RAB38: variants seen among roughly 807,000 people sequenced by gnomAD.
The protein encoded by RAB38 is ras-related protein Rab-38.
Under a neutral mutation model 18.4 loss-of-function variants are expected in RAB38, and 15 were observed. That is an observed-to-expected ratio of 0.82 (90% CI 0.55 to 1.26). RAB38 has a LOEUF of 1.26. Ranked by LOEUF, RAB38 falls within the 50% of genes most tolerant of loss-of-function variation. The probability of loss-of-function intolerance (pLI) is 0.00; values close to 1 mark genes in which losing one functional copy is unlikely to be tolerated. For missense variants in RAB38, 294 were observed against 267.4 expected, an observed-to-expected ratio of 1.10 and a Z score of -0.69; for synonymous variants, 101 against 104.4, an observed-to-expected ratio of 0.97 and a Z score of 0.20.
At chr11:88,134,378 C>G (rs1320028210) in intron 2 of RAB38, among the ~76,000 whole-genome samples, 3 of 151,910 alleles carry the variant, frequency 2.0e-5, no homozygotes, top group Admixed American at 2.0e-4. Context: ...GTAGCGGGGA[C>G]TACCGGTGTC....
the RAB38 span, among the ~76,000 whole-genome samples, chr11:87,856,805 A>G: frequency 1.3e-5 from 2 of 152,044 alleles, no homozygotes; most frequent in African/African-American, 4.8e-5. Flanking sequence ...ATGTCATGAA[A>G]CCTAGATCAT....
At chr11:87,920,199 ATTC>A in the RAB38 span, among the ~76,000 whole-genome samples, 1,680 of 151,536 alleles carry the variant, frequency 0.011, 33 homozygotes, top group African/African-American at 0.037. Context: ...AGCTCAGTTT[ATTC>A]TTCTTTTTCT....
intron 1 of RAB38, among the ~76,000 whole-genome samples, chr11:88,162,511 G>A: frequency 6.6e-6 from 1 of 151,948 alleles, no homozygotes; most frequent in African/African-American, 2.4e-5. Context: ...TGTCATGTCT[G>A]GTCTGTTGCA....
chr11:87,897,858 G>T, the RAB38 span, among the ~76,000 whole-genome samples: 1 of 151,498 alleles, frequency 6.6e-6, no homozygotes, highest in African/African-American at 2.4e-5. Context: ...CAGAACACTC[G>T]AATTGAGCTA....
At chr11:87,840,534 A>T in the RAB38 span, among the ~76,000 whole-genome samples, 1 of 152,198 alleles carries the variant, frequency 6.6e-6, no homozygotes, top group Non-Finnish European at 1.5e-5. Context: ...ATAGCTCAGC[A>T]TCCTAGTAGG....
the RAB38 span, among the ~76,000 whole-genome samples, chr11:88,051,097 A>T: frequency 1.3e-5 from 2 of 152,138 alleles, no homozygotes; most frequent in East Asian, 3.9e-4. Flanking sequence ...ATCGCATTAA[A>T]ATTTTACTTA....
At chr11:88,138,126 C>T (rs1384643593) in intron 2 of RAB38, among the ~76,000 whole-genome samples, 6 of 152,056 alleles carry the variant, frequency 3.9e-5, no homozygotes, top group African/African-American at 1.4e-4. Flanking sequence ...AGCACAGTCC[C>T]AGGATTACAG....
chr11:87,833,169 T>C, the RAB38 span, among the ~76,000 whole-genome samples: 6 of 152,198 alleles, frequency 3.9e-5, no homozygotes, highest in African/African-American at 1.2e-4. Flanking sequence ...ACAACTTCCA[T>C]TGTTCTGACA....
chr11:88,170,134 G>A (rs548191754), intron 1 of RAB38, among the ~76,000 whole-genome samples: 13 of 152,218 alleles, frequency 8.5e-5, no homozygotes, highest in South Asian at 6.2e-4. Context: ...GCCTTGAGGC[G>A]TTTTCTCCAT....
At chr11:88,142,486 G>C (rs1942928199) in intron 2 of RAB38, among the ~76,000 whole-genome samples, 1 of 152,194 alleles carries the variant, frequency 6.6e-6, no homozygotes, top group Non-Finnish European at 1.5e-5. Flanking sequence ...CCAGCCCATG[G>C]TGTCATGAAT....
chr11:88,031,632 G>T, the RAB38 span, among the ~76,000 whole-genome samples: 135 of 151,792 alleles, frequency 8.9e-4, no homozygotes, highest in Admixed American at 1.3e-3. Context: ...ATTCACAATT[G>T]CTTCAAAGAG....
the RAB38 span, among the ~76,000 whole-genome samples, chr11:87,911,508 ATTTTATATT>A: frequency 0.032 from 4,883 of 152,002 alleles, 100 homozygotes; most frequent in Middle Eastern, 0.055. Flanking sequence ...ATTTATACAT[ATTTTATATT>A]TTTGATGGTT....
At chr11:88,020,833 T>C in the RAB38 span, among the ~76,000 whole-genome samples, 2 of 152,160 alleles carry the variant, frequency 1.3e-5, no homozygotes, top group South Asian at 2.1e-4. Context: ...TTAAACAATA[T>C]GCTCCCAAAC....
chr11:88,173,104 C>T (rs1300823141), intron 1 of RAB38, among the ~76,000 whole-genome samples: 1 of 152,192 alleles, frequency 6.6e-6, no homozygotes, highest in Non-Finnish European at 1.5e-5. Flanking sequence ...AGTTAAATTG[C>T]TCCTGAGAGT....
chr11:87,929,957 T>G, the RAB38 span, among the ~76,000 whole-genome samples: 1 of 152,158 alleles, frequency 6.6e-6, no homozygotes, highest in African/African-American at 2.4e-5. Flanking sequence ...CTTAATCCAG[T>G]CTATCATTGT....
At chr11:87,808,358 A>G in the RAB38 span, among the ~76,000 whole-genome samples, 41 of 152,340 alleles carry the variant, frequency 2.7e-4, no homozygotes, top group East Asian at 1.9e-3. Context: ...TATATATACA[A>G]TGAAATACTA....
the RAB38 span, among the ~76,000 whole-genome samples, chr11:87,857,051 C>T: frequency 1.3e-5 from 2 of 148,996 alleles, no homozygotes; most frequent in Non-Finnish European, 3.0e-5. Context: ...GTGTAATGTT[C>T]CCCTTCCCGT....
At chr11:87,823,549 T>C in the RAB38 span, among the ~76,000 whole-genome samples, 1 of 152,186 alleles carries the variant, frequency 6.6e-6, no homozygotes. Context: ...TGTGGCATTA[T>C]CTAACATAAG....
chr11:88,163,690 AGATG>A (rs1414012338), intron 1 of RAB38, among the ~76,000 whole-genome samples: 2 of 152,204 alleles, frequency 1.3e-5, no homozygotes, highest in Non-Finnish European at 2.9e-5. Context: ...ATAGAACAAA[AGATG>A]GATGGATTAT....
Sources: allele counts gnomAD v4.1 joint callset (sites outside exome capture counted in the v4.1 genomes callset), GRCh38; gene constraint gnomAD v4.1.1; transcripts MANE v1.5; gene names NCBI Gene and HGNC (gene_info 2026-07-23, HGNC 2026-07-21).